Variants in SEMA3C observed in about 807,000 individuals in gnomAD.
SEMA3C encodes semaphorin-3C.
In SEMA3C, 47 loss-of-function variants were observed where a neutral mutation model predicts 89.4. The observed-to-expected ratio is 0.53, with a 90% CI of 0.42 to 0.67. The LOEUF (loss-of-function observed/expected upper bound fraction) is 0.67, where lower values mean the gene tolerates loss of function less well. SEMA3C is among the 30% of genes least tolerant of loss of function. The pLI is 0.00. For synonymous variants in SEMA3C, 310 were observed against 320.2 expected (o/e 0.97, Z 0.34); for missense variants, 839 against 929.1 (o/e 0.90, Z 1.26).
intron 2 of SEMA3C, among the ~76,000 whole-genome samples, chr7:80,884,768 T>C (rs1453741352): frequency 2.0e-5 from 3 of 152,238 alleles, no homozygotes; most frequent in Admixed American, 2.0e-4. Context: ...TCTTTATGTG[T>C]TTATTACTGC....
Position 80,828,690 on chromosome 7 carries a change from G to A in SEMA3C, c.159C>T (p.Asp53=). The part of the protein sequence containing the change: ...EYFSLSHHPL[D]YRILLMDEDQ... ...CTTCATCCATTAATAAAATCCTGTAGTCTAAAGGATGGTGGGAAAGGCTGA... is the reference window on the plus strand; with the variant it reads ...CTTCATCCATTAATAAAATCCTGTAATCTAAAGGATGGTGGGAAAGGCTGA... Residue 53 remains aspartate (D), a synonymous_variant, in exon 3 of 18, where the codon GAC becomes GAT. Coordinates refer to ENST00000265361, the MANE Select transcript of SEMA3C (RefSeq NM_006379.5). 1.2e-6 allele frequency: 2 copies of A among 1,612,146 alleles called. No individual in the cohort carries two copies. Among genetic ancestry groups the A allele is most frequent in the Non-Finnish European group, 1.7e-6 (2 of 1,178,704 alleles).
At chr7:80,805,841 C>T in intron 6 of SEMA3C, 83 bp from the exon 7 acceptor site, 1 of 911,268 alleles carries the variant, frequency 1.1e-6, no homozygotes, top group Non-Finnish European at 1.7e-6. Flanking sequence ...TAGGAGATCA[C>T]CACAGGTATT....
intron 2 of SEMA3C, among the ~76,000 whole-genome samples, chr7:80,843,457 G>A (rs1352361885): frequency 6.6e-6 from 1 of 152,078 alleles, no homozygotes; most frequent in East Asian, 1.9e-4. Flanking sequence ...TCTTGGCACT[G>A]CATCTGACTA....
At chr7:80,761,587 C>A in intron 14 of SEMA3C, 29 bp downstream of exon 14, 1 of 1,146,276 alleles carries the variant, frequency 8.7e-7, no homozygotes, top group Non-Finnish European at 1.3e-6. Context: ...TTTCAATAAG[C>A]AAAGAACATA....
chr7:80,888,057 C>A (rs1384252543), intron 2 of SEMA3C, among the ~76,000 whole-genome samples: 3 of 152,110 alleles, frequency 2.0e-5, no homozygotes, highest in African/African-American at 7.2e-5. Context: ...AAGTCTCTGG[C>A]AATTTTTCCC....
intron 12 of SEMA3C, among the ~76,000 whole-genome samples, chr7:80,788,432 T>C (rs1360955980): frequency 6.6e-6 from 1 of 152,174 alleles, no homozygotes; most frequent in Non-Finnish European, 1.5e-5. Flanking sequence ...GCATCAGAAT[T>C]ACTTAGAGGG....
At chr7:80,865,840 T>G (rs1228647826) in intron 2 of SEMA3C, among the ~76,000 whole-genome samples, 6 of 152,204 alleles carry the variant, frequency 3.9e-5, no homozygotes, top group East Asian at 1.9e-4. Flanking sequence ...ACCAACATTC[T>G]AATGAAAGAA....
chr7:80,773,802 T>A, intron 12 of SEMA3C, among the ~76,000 whole-genome samples: 1 of 152,184 alleles, frequency 6.6e-6, no homozygotes, highest in East Asian at 1.9e-4. Context: ...TGTGAGTCTC[T>A]GGTTGAGTCC....
At chr7:80,890,309 G>A (rs986759676) in intron 2 of SEMA3C, among the ~76,000 whole-genome samples, 2 of 152,122 alleles carry the variant, frequency 1.3e-5, no homozygotes, top group Non-Finnish European at 2.9e-5. Flanking sequence ...AATGCTGCAA[G>A]CATTCCCAAA....
chr7:80,800,245 A>G (rs1583889399), intron 10 of SEMA3C, among the ~76,000 whole-genome samples: 1 of 151,966 alleles, frequency 6.6e-6, no homozygotes, highest in South Asian at 2.1e-4. Context: ...AGTAAAAAGT[A>G]TTTTTACTGA....
chr7:80,784,435 G>A (rs1788757197), intron 12 of SEMA3C, among the ~76,000 whole-genome samples: 1 of 151,458 alleles, frequency 6.6e-6, no homozygotes, highest in South Asian at 2.1e-4. Flanking sequence ...GTAGTTTCCA[G>A]CTTAAATTTT....
At chr7:80,820,054 CTTTTTTTT>C (rs768363975) in intron 4 of SEMA3C, among the ~76,000 whole-genome samples, 1 of 124,126 alleles carries the variant, frequency 8.1e-6, no homozygotes, top group Non-Finnish European at 1.6e-5. Flanking sequence ...ATGTATGCTC[CTTTTTTTT>C]TTTTTTTTTT....
At chr7:80,910,726 GT>G (rs1160684461) in intron 2 of SEMA3C, among the ~76,000 whole-genome samples, 1 of 143,834 alleles carries the variant, frequency 7.0e-6, no homozygotes, top group Non-Finnish European at 1.5e-5. Flanking sequence ...CAAAGTGATA[GT>G]TTTTTTATTT....
chr7:80,837,413 C>A (rs1015493012), intron 2 of SEMA3C, among the ~76,000 whole-genome samples: 9 of 152,146 alleles, frequency 5.9e-5, no homozygotes, highest in Non-Finnish European at 5.9e-5. Context: ...ATAATGAAAG[C>A]GAGATATTTT....
At chr7:80,844,546 T>C (rs1790344269) in intron 2 of SEMA3C, among the ~76,000 whole-genome samples, 1 of 152,132 alleles carries the variant, frequency 6.6e-6, no homozygotes, top group Non-Finnish European at 1.5e-5. Flanking sequence ...ATCTCATGGG[T>C]TCCTAATTAA....
In SEMA3C at chr7:80,804,089, A is replaced by T; in HGVS notation, c.801+17T>A. On this transcript the variant is annotated intron_variant, in intron 8 of 17. Transcript: ENST00000265361. ...TTTCTTGGTCTTTCTTCAAATCGGA[A>T]CAGCATTAATACTTACAGGACATAT... 1 of 1,579,756 alleles carries T rather than the reference A, an allele frequency of 6.3e-7. No individual in the cohort carries two copies. The highest frequency in any genetic ancestry group is 1.2e-5 in the South Asian group (1 of 83,322).
intron 6 of SEMA3C, among the ~76,000 whole-genome samples, chr7:80,809,479 AGTTTTTGGGGGAAT>A (rs1789417616): frequency 6.6e-6 from 1 of 152,294 alleles, no homozygotes; most frequent in Non-Finnish European, 1.5e-5. Flanking sequence ...TTCTACTTTT[AGTTTTTGGGGGAAT>A]GTTCATACCA....
rs1218141226 is a variant in SEMA3C at position 80,744,679 on chromosome 7, T to C, written c.*215A>G. 1.7e-6 allele frequency: 1 copy of C among 577,314 alleles called. No homozygotes were observed. Among genetic ancestry groups the C allele is most frequent in the Non-Finnish European group, 3.0e-6 (1 of 328,246 alleles). 35.8% of individuals were successfully genotyped at this position (577,314 alleles called of 1,614,324 possible). A position where few individuals can be genotyped will look rare whatever the true frequency, so the allele number is the denominator to read the frequency against. On this transcript the variant is annotated 3_prime_UTR_variant, in exon 18 of 18. Coordinates refer to ENST00000265361, the MANE Select transcript of SEMA3C (RefSeq NM_006379.5). ...AATAAAATCTGGGTTAAGTTAAATA[T>C]ATTTATATGCACCATGAGGACCATG...
chr7:80,898,804 G>C (rs1248383952), intron 2 of SEMA3C, among the ~76,000 whole-genome samples: 1 of 148,714 alleles, frequency 6.7e-6, no homozygotes, highest in Non-Finnish European at 1.5e-5. Flanking sequence ...GCCACAGCCT[G>C]TCCATAATTT....
Sources: gnomAD v4.1 joint callset for allele counts (sites outside exome capture counted in the v4.1 genomes callset) on GRCh38, gnomAD v4.1.1 for gene constraint, MANE v1.5 for transcripts, NCBI Gene and HGNC (gene_info 2026-07-23, HGNC 2026-07-21) for gene names.